Variants in SORCS2 observed in about 807,000 individuals in gnomAD.
SORCS2 encodes VPS10 domain-containing receptor SorCS2.
In SORCS2, 100 loss-of-function variants were observed where a neutral mutation model predicts 141.6. That is an observed-to-expected ratio of 0.71 (90% CI 0.60 to 0.83). The LOEUF (loss-of-function observed/expected upper bound fraction) is 0.83. Among genes scored for constraint, SORCS2 ranks in the 40% least tolerant of loss-of-function variants. The pLI is 0.00. For missense variants in SORCS2, 1,646 were observed against 1,560.2 expected, an observed-to-expected ratio of 1.05 and a Z score of -0.93; for synonymous variants, 789 against 676.9, an observed-to-expected ratio of 1.17 and a Z score of -2.57.
chr4:7,483,013 C>T (rs1211987835), intron 2 of SORCS2, among the ~76,000 whole-genome samples: 2 of 152,118 alleles, frequency 1.3e-5, no homozygotes, highest in African/African-American at 4.8e-5. Flanking sequence ...AATCCTATGA[C>T]TGATGTCCTT....
chr4:7,310,016 C>T (rs1036475041), intron 1 of SORCS2, among the ~76,000 whole-genome samples: 1 of 152,222 alleles, frequency 6.6e-6, no homozygotes, highest in African/African-American at 2.4e-5. Context: ...ATGAGTTTTC[C>T]ATTCTGAAAG....
At chr4:7,245,532 G>C (rs1327305483) in intron 1 of SORCS2, among the ~76,000 whole-genome samples, 1 of 152,242 alleles carries the variant, frequency 6.6e-6, no homozygotes, top group African/African-American at 2.4e-5. Flanking sequence ...GGCCTCGGAT[G>C]ATTCCTCAGG....
chr4:7,194,559 A>T (rs1182642885), intron 1 of SORCS2, among the ~76,000 whole-genome samples: 1 of 152,156 alleles, frequency 6.6e-6, no homozygotes, highest in Non-Finnish European at 1.5e-5. Flanking sequence ...CAGCCTGACT[A>T]GCAGCCCTTG....
intron 3 of SORCS2, among the ~76,000 whole-genome samples, chr4:7,574,008 C>T (rs552054996): frequency 5.2e-5 from 8 of 152,398 alleles, no homozygotes; most frequent in African/African-American, 1.4e-4. Flanking sequence ...TCTCAGAAGG[C>T]AGCCCTTGTG....
chr4:7,456,727 G>A (rs1343893257), intron 2 of SORCS2, among the ~76,000 whole-genome samples: 1 of 152,164 alleles, frequency 6.6e-6, no homozygotes, highest in Non-Finnish European at 1.5e-5. Flanking sequence ...CTGCTCAGTG[G>A]CTTTGAGCCA....
chr4:7,680,577 C>T (rs1313269620), intron 9 of SORCS2, among the ~76,000 whole-genome samples: 1 of 152,254 alleles, frequency 6.6e-6, no homozygotes, highest in Non-Finnish European at 1.5e-5. Context: ...GATGAAGCTT[C>T]TTCTGCAGAG....
chr4:7,714,790 G>GCTCACCCACCTGCCAC (rs1726078762), intron 16 of SORCS2, among the ~76,000 whole-genome samples: 1 of 152,146 alleles, frequency 6.6e-6, no homozygotes, highest in Non-Finnish European at 1.5e-5. Context: ...TTGGCTAACA[G>GCTCACCCACCTGCCAC]CTCACCCACC....
At chr4:7,434,420 A>C in intron 2 of SORCS2, 1 of 1,608,858 alleles carries the variant, frequency 6.2e-7, no homozygotes, top group Non-Finnish European at 8.5e-7. Flanking sequence ...TCCTCTTTGG[A>C]GAGTGGCCTC....
At chr4:7,369,121 A>T (rs1277788392) in intron 1 of SORCS2, among the ~76,000 whole-genome samples, 2 of 152,184 alleles carry the variant, frequency 1.3e-5, no homozygotes, top group Non-Finnish European at 2.9e-5. Context: ...AGCCTGGCTA[A>T]CATGGTGAAA....
At chr4:7,574,866 G>A (rs181327030) in intron 3 of SORCS2, among the ~76,000 whole-genome samples, 1 of 152,326 alleles carries the variant, frequency 6.6e-6, no homozygotes, top group East Asian at 1.9e-4. Flanking sequence ...CAAGGCCTCT[G>A]TGTCTGTTAG....
intron 11 of SORCS2, among the ~76,000 whole-genome samples, chr4:7,691,608 C>A (rs1724261202): frequency 6.6e-6 from 1 of 152,050 alleles, no homozygotes; most frequent in Non-Finnish European, 1.5e-5. Flanking sequence ...CCTCTGTCTG[C>A]CCCCACAATG....
chr4:7,656,330 C>T (rs967941057), intron 5 of SORCS2, among the ~76,000 whole-genome samples: 1 of 151,598 alleles, frequency 6.6e-6, no homozygotes, highest in African/African-American at 2.4e-5. Context: ...TGTCTCCACG[C>T]CCCAGAACAG....
At chr4:7,292,401 C>T (rs1716673396) in intron 1 of SORCS2, among the ~76,000 whole-genome samples, 1 of 152,222 alleles carries the variant, frequency 6.6e-6, no homozygotes, top group Non-Finnish European at 1.5e-5. Context: ...ATAAGAGGAA[C>T]CCAGAGATCT....
chr4:7,533,306 C>G (rs1054072350), intron 3 of SORCS2, among the ~76,000 whole-genome samples: 1 of 152,270 alleles, frequency 6.6e-6, no homozygotes, highest in Non-Finnish European at 1.5e-5. Flanking sequence ...CCTTCCAGCC[C>G]GACCATCACC....
chr4:7,377,043 A>G (rs751127259), intron 1 of SORCS2, among the ~76,000 whole-genome samples: 8 of 152,236 alleles, frequency 5.3e-5, no homozygotes, highest in South Asian at 2.1e-4. Flanking sequence ...TCATGGAGGA[A>G]AGAGGCATAT....
At chr4:7,195,319 G>A (rs938144260) in intron 1 of SORCS2, among the ~76,000 whole-genome samples, 2 of 152,194 alleles carry the variant, frequency 1.3e-5, no homozygotes, top group Non-Finnish European at 2.9e-5. Context: ...GAGGCGAGGG[G>A]CAGGGGTGAG....
chr4:7,479,623 G>C (rs1035050860), intron 2 of SORCS2, among the ~76,000 whole-genome samples: 3 of 152,226 alleles, frequency 2.0e-5, no homozygotes, highest in African/African-American at 7.2e-5. Context: ...GCCTCTGCTG[G>C]GCTCCCCTCG....
chr4:7,241,724 A>C (rs1362414695), intron 1 of SORCS2, among the ~76,000 whole-genome samples: 1 of 151,970 alleles, frequency 6.6e-6, no homozygotes, highest in Non-Finnish European at 1.5e-5. Context: ...GGTGGTTTTC[A>C]TTTTCTTTTC....
Position 7,712,810 on chromosome 4 carries a change from G to A in SORCS2, c.1946G>A (p.Cys649Tyr), listed in dbSNP as rs1428134045. The change falls in exon 15 of 27, where the codon TGC (cysteine) becomes TAC (tyrosine). Residue 649 changes from cysteine (C) to tyrosine (Y), a missense_variant. Cys to Tyr is a radical substitution (Grantham distance 194, BLOSUM62 -2). Transcript: ENST00000507866. ...VDFRPSFSRQ[C>Y]GEEDYSSWEL... ...TTCCGGCCCTCATTCTCCAGGCAGT[G>A]CGGCGAGGAGGACTACAGCTCCTGG... 5.0e-6 allele frequency: 8 copies of A among 1,613,878 alleles called. No homozygotes were observed. Among genetic ancestry groups the A allele is most frequent in the African/African-American group, 4.0e-5 (3 of 74,940 alleles).
Sources: gnomAD v4.1 joint callset for allele counts (sites outside exome capture counted in the v4.1 genomes callset) on GRCh38, gnomAD v4.1.1 for gene constraint, MANE v1.5 for transcripts, NCBI Gene and HGNC (gene_info 2026-07-23, HGNC 2026-07-21) for gene names.